CDKAL1: variants seen among roughly 807,000 people sequenced by gnomAD.
CDKAL1 encodes CDKAL1 threonylcarbamoyladenosine tRNA methylthiotransferase, also known as threonylcarbamoyladenosine tRNA methylthiotransferase.
CDKAL1 carries 32 observed loss-of-function variants against 68.2 expected under a neutral mutation model. The observed-to-expected ratio is 0.47, with a 90% confidence interval of 0.35 to 0.63. The LOEUF is 0.63. CDKAL1 is among the 30% of genes least tolerant of loss of function. CDKAL1 has a pLI of 0.00. For missense variants in CDKAL1, 606 were observed against 696.7 expected (o/e 0.87, Z 1.47); for synonymous variants, 234 against 244.3 (o/e 0.96, Z 0.39).
At chr6:20,816,127 CCCCG>C (rs771964403) in intron 8 of CDKAL1, among the ~76,000 whole-genome samples, 34 of 119,536 alleles carry the variant, frequency 2.8e-4, no homozygotes, top group African/African-American at 5.2e-4. Flanking sequence ...ATGTCCCCCC[CCCCG>C]CCTTTTTTTT....
intron 11 of CDKAL1, among the ~76,000 whole-genome samples, chr6:21,017,857 A>G (rs1011957191): frequency 6.6e-6 from 1 of 150,870 alleles, no homozygotes; most frequent in Non-Finnish European, 1.5e-5. Flanking sequence ...TTTCTTATAC[A>G]TTAAAATATA....
intron 13 of CDKAL1, among the ~76,000 whole-genome samples, chr6:21,134,622 T>C (rs1775487528): frequency 6.6e-6 from 1 of 152,108 alleles, no homozygotes; most frequent in Admixed American, 6.5e-5. Flanking sequence ...CATCGAATAA[T>C]GCATGGGAAA....
At chr6:21,219,994 G>C (rs748157508) in intron 15 of CDKAL1, among the ~76,000 whole-genome samples, 5 of 152,180 alleles carry the variant, frequency 3.3e-5, no homozygotes, top group African/African-American at 1.2e-4. Context: ...CATCAGTAAA[G>C]CATCTTGACC....
At chr6:20,800,370 A>C (rs182168528) in intron 8 of CDKAL1, among the ~76,000 whole-genome samples, 32 of 152,264 alleles carry the variant, frequency 2.1e-4, no homozygotes, top group African/African-American at 7.5e-4. Context: ...ATTCCAACTA[A>C]ACTGTAGAAA....
chr6:20,642,047 T>G (rs1768202415), intron 4 of CDKAL1, among the ~76,000 whole-genome samples: 1 of 152,196 alleles, frequency 6.6e-6, no homozygotes, highest in African/African-American at 2.4e-5. Flanking sequence ...ATTTTCTATT[T>G]TGATACGAGA....
chr6:20,674,645 A>C (rs946861002), intron 5 of CDKAL1, among the ~76,000 whole-genome samples: 6 of 152,174 alleles, frequency 3.9e-5, no homozygotes, highest in Admixed American at 2.0e-4. Flanking sequence ...AGTGTTAGCT[A>C]TAGTCACCCT....
chr6:21,050,590 T>C (rs1262970500), intron 11 of CDKAL1, among the ~76,000 whole-genome samples: 2 of 151,912 alleles, frequency 1.3e-5, no homozygotes, highest in Admixed American at 1.3e-4. Flanking sequence ...GAATGGGGAG[T>C]GCTTGCTGAT....
chr6:20,971,674 TTATTG>T (rs1765611393), intron 10 of CDKAL1, among the ~76,000 whole-genome samples: 2 of 152,316 alleles, frequency 1.3e-5, no homozygotes, highest in South Asian at 4.1e-4. Flanking sequence ...AAATGGGTCA[TTATTG>T]TATTGAAGTG....
intron 4 of CDKAL1, among the ~76,000 whole-genome samples, chr6:20,648,466 G>T (rs1768592166): frequency 6.6e-6 from 1 of 150,746 alleles, no homozygotes; most frequent in South Asian, 2.1e-4. Flanking sequence ...CAGAAACTCT[G>T]ATGTGCTTAC....
At chr6:20,941,889 C>CT (rs1763988495) in intron 9 of CDKAL1, among the ~76,000 whole-genome samples, 1 of 152,200 alleles carries the variant, frequency 6.6e-6, no homozygotes, top group South Asian at 2.1e-4. Flanking sequence ...GGAATTATCA[C>CT]TTTTTTTCCA....
At chr6:20,828,127 T>C (rs920797300) in intron 8 of CDKAL1, among the ~76,000 whole-genome samples, 1 of 152,218 alleles carries the variant, frequency 6.6e-6, no homozygotes, top group African/African-American at 2.4e-5. Flanking sequence ...TCTGCTGTTT[T>C]AATAAACTTT....
In CDKAL1 at chr6:20,721,725, G is replaced by GTTTTT. The variant is rs145893325; in HGVS notation, c.372-17773_372-17769dup. Among the ~76,000 whole-genome samples, 416 of 67,396 alleles carry GTTTTT rather than the reference G, an allele frequency of 6.2e-3. 37 individuals are homozygous for GTTTTT. The highest frequency in any genetic ancestry group is 0.014 in the African/African-American group (229 of 16,692). 44.2% of individuals were successfully genotyped at this position (67,396 alleles called of 152,430 possible). A position where few individuals can be genotyped will look rare whatever the true frequency, so the allele number is the denominator to read the frequency against. On this transcript the variant is annotated intron_variant, in intron 5 of 15. Transcript: ENST00000274695. ...CTTCTCTGCACCCTGACCAACTTCT[G>GTTTTT]TTTTTTTTTTTTTTTTTTTTTTTTT...
In CDKAL1 at chr6:20,875,113, C is replaced by T. The variant is rs567100818; in HGVS notation, c.742+28935C>T. ...AGGAGATCGAGACCATCCTGTCTAA[C>T]AAGGTGAAACCCCGTCTCTACTAAA... On this transcript the variant is annotated intron_variant, in intron 9 of 15. Transcript: ENST00000274695. Among the ~76,000 whole-genome samples the T allele has an allele frequency of 4.4e-4, 67 of 151,580 alleles. 1 individual carries two copies. The highest frequency in any genetic ancestry group is 1.5e-3 in the African/African-American group (62 of 41,414).
chr6:20,595,020 T>C (rs567706318), intron 4 of CDKAL1, among the ~76,000 whole-genome samples: 1 of 152,322 alleles, frequency 6.6e-6, no homozygotes, highest in East Asian at 1.9e-4. Context: ...CTGACTTGTA[T>C]GGTTTCTGCA....
At chr6:20,992,037 T>C (rs28418444) in intron 10 of CDKAL1, among the ~76,000 whole-genome samples, 2,514 of 53,698 alleles carry the variant, frequency 0.047, 52 homozygotes, top group East Asian at 0.28. Flanking sequence ...TTTTCTTTTT[T>C]TTTTTTTTTT....
At chr6:20,641,024 A>G (rs1403710217) in intron 4 of CDKAL1, among the ~76,000 whole-genome samples, 2 of 152,240 alleles carry the variant, frequency 1.3e-5, no homozygotes, top group Admixed American at 6.5e-5. Flanking sequence ...TTCTGTATAT[A>G]AAGAAATAGT....
chr6:20,967,897 C>G (rs1176118025), intron 10 of CDKAL1, among the ~76,000 whole-genome samples: 1 of 152,166 alleles, frequency 6.6e-6, no homozygotes, highest in East Asian at 1.9e-4. Context: ...GGTTGGCAGT[C>G]TTTTTCTTTC....
At chr6:21,172,303 CCT>C (rs941187381) in intron 13 of CDKAL1, among the ~76,000 whole-genome samples, 25 of 152,272 alleles carry the variant, frequency 1.6e-4, no homozygotes, top group Non-Finnish European at 2.8e-4. Context: ...GAAAGGATCC[CCT>C]GTTTTATTAT....
intron 5 of CDKAL1, among the ~76,000 whole-genome samples, chr6:20,673,801 G>A (rs374633115): frequency 5.3e-5 from 8 of 152,188 alleles, no homozygotes; most frequent in South Asian, 4.2e-4. Flanking sequence ...CTTACCGTCC[G>A]CCATGACTGT....
Sources: allele counts gnomAD v4.1 joint callset (sites outside exome capture counted in the v4.1 genomes callset), GRCh38; gene constraint gnomAD v4.1.1; transcripts MANE v1.5; gene names NCBI Gene and HGNC (gene_info 2026-07-23, HGNC 2026-07-21).